Variants in WWC2 observed in about 807,000 individuals in gnomAD.
WWC2 encodes WW and C2 domain containing 2, also known as protein WWC2.
In WWC2, 101 loss-of-function variants were observed where a neutral mutation model predicts 138.5. That is an observed-to-expected ratio of 0.73 (90% confidence interval 0.62 to 0.86). The LOEUF is 0.86. WWC2 is among the 40% of genes least tolerant of loss of function. The pLI is 0.00. For missense variants in WWC2, 1,420 were observed against 1,419.4 expected (o/e 1.00, Z -0.01); for synonymous variants, 558 against 538.4 (o/e 1.04, Z -0.50).
intron 1 of WWC2, among the ~76,000 whole-genome samples, chr4:183,175,169 A>G (rs1432060282): frequency 6.6e-6 from 1 of 152,238 alleles, no homozygotes; most frequent in Admixed American, 6.5e-5. Context: ...TTAAAAAAAT[A>G]GTTCCATAAC....
chr4:183,117,950 G>A (rs1342806632), intron 1 of WWC2, among the ~76,000 whole-genome samples: 3 of 150,614 alleles, frequency 2.0e-5, no homozygotes, highest in South Asian at 2.2e-4. Flanking sequence ...ATAGGCTCGT[G>A]CCACCATGCT....
At chr4:183,297,251 G>A (rs1458152515) in intron 21 of WWC2, among the ~76,000 whole-genome samples, 1 of 152,000 alleles carries the variant, frequency 6.6e-6, no homozygotes, top group Non-Finnish European at 1.5e-5. Context: ...GGAATTGCAG[G>A]TGTGAGCCAC....
chr4:183,249,812 A>G, intron 7 of WWC2, 108 bp from the exon 8 acceptor site: 1 of 839,428 alleles, frequency 1.2e-6, no homozygotes, highest in Non-Finnish European at 1.9e-6. Context: ...CGATTTCAGT[A>G]CCATCTTCTT....
chr4:183,216,425 T>C (rs766141344), intron 4 of WWC2, among the ~76,000 whole-genome samples: 2 of 152,166 alleles, frequency 1.3e-5, no homozygotes, highest in South Asian at 2.1e-4. Flanking sequence ...CAAGAAGACA[T>C]TTTGCCTAAA....
intron 1 of WWC2, among the ~76,000 whole-genome samples, chr4:183,183,538 T>C (rs1734703819): frequency 1.3e-5 from 2 of 152,082 alleles, no homozygotes; most frequent in African/African-American, 4.8e-5. Context: ...TCTCCACACT[T>C]TGGGAGGCCA....
intron 1 of WWC2, among the ~76,000 whole-genome samples, chr4:183,166,691 G>A (rs1363415054): frequency 6.6e-6 from 1 of 152,168 alleles, no homozygotes; most frequent in Non-Finnish European, 1.5e-5. Context: ...GTGTTATTCT[G>A]TGTACTCTGA....
At chr4:183,211,703 GTC>G (rs1474367204) in intron 4 of WWC2, among the ~76,000 whole-genome samples, 4 of 152,154 alleles carry the variant, frequency 2.6e-5, no homozygotes, top group Non-Finnish European at 4.4e-5. Flanking sequence ...CCTTCTCTGT[GTC>G]TCAGGTGCTC....
chr4:183,113,951 A>G (rs974228859), intron 1 of WWC2, among the ~76,000 whole-genome samples: 10 of 152,014 alleles, frequency 6.6e-5, no homozygotes, highest in African/African-American at 2.4e-4. Context: ...GAAAAGAGAG[A>G]ATAAAAGAGT....
chr4:183,305,280 A>C (rs1403346932), intron 21 of WWC2, among the ~76,000 whole-genome samples: 2 of 152,214 alleles, frequency 1.3e-5, no homozygotes, highest in African/African-American at 2.4e-5. Flanking sequence ...CAACTACAGA[A>C]GATGTACAAT....
chr4:183,236,791 A>G (rs554367167), intron 4 of WWC2, among the ~76,000 whole-genome samples: 3 of 152,224 alleles, frequency 2.0e-5, no homozygotes, highest in East Asian at 3.9e-4. Context: ...TTTTTTCTGT[A>G]TCTGTGAAAG....
At chr4:183,099,822 C>T (rs1296065568) in intron 1 of WWC2, among the ~76,000 whole-genome samples, 200 bp downstream of exon 1, 2 of 148,888 alleles carry the variant, frequency 1.3e-5, no homozygotes, top group African/African-American at 4.9e-5. Flanking sequence ...CCCGACGCCC[C>T]TCCGGGGACC....
At chr4:183,248,987 AT>A in intron 7 of WWC2, 127 bp downstream of exon 7, 1 of 957,010 alleles carries the variant, frequency 1.0e-6, no homozygotes, top group Non-Finnish European at 1.4e-6. Flanking sequence ...TCAGTGTTCC[AT>A]TTTCGTAAGA....
intron 1 of WWC2, among the ~76,000 whole-genome samples, chr4:183,101,145 G>C (rs1288548812): frequency 1.3e-5 from 2 of 152,180 alleles, no homozygotes; most frequent in African/African-American, 4.8e-5. Context: ...TGGAGTTTCA[G>C]GTAATTGAAA....
At chr4:183,184,586 G>T (rs1370790135) in intron 1 of WWC2, among the ~76,000 whole-genome samples, 2 of 152,082 alleles carry the variant, frequency 1.3e-5, no homozygotes, top group Non-Finnish European at 2.9e-5. Flanking sequence ...ACCATTTTAC[G>T]TTGCCACCCA....
At chr4:183,200,102 G>T (rs1358037455) in intron 2 of WWC2, among the ~76,000 whole-genome samples, 2 of 152,186 alleles carry the variant, frequency 1.3e-5, no homozygotes, top group Non-Finnish European at 2.9e-5. Flanking sequence ...AAATGAGAAT[G>T]CTTCCCACTG....
intron 1 of WWC2, among the ~76,000 whole-genome samples, chr4:183,108,253 A>G (rs1732107401): frequency 6.6e-6 from 1 of 152,172 alleles, no homozygotes; most frequent in South Asian, 2.1e-4. Context: ...TCAGGTGATC[A>G]AAGGGAACAT....
At chr4:183,185,546 C>T (rs1292822424) in intron 1 of WWC2, among the ~76,000 whole-genome samples, 1 of 152,114 alleles carries the variant, frequency 6.6e-6, no homozygotes, top group African/African-American at 2.4e-5. Context: ...TATATTTTTC[C>T]TGTTATTTGT....
rs1739518197 is a variant in WWC2, at chr4:183,318,503, AAAGC to A, written c.*2777_*2780del. 1 of 152,380 alleles carries A rather than the reference AAAGC, an allele frequency of 6.6e-6. No homozygotes were observed. Among genetic ancestry groups the A allele is most frequent in the African/African-American group, 2.4e-5 (1 of 41,380 alleles). 9.4% of individuals were successfully genotyped at this position (152,380 alleles called of 1,614,324 possible). ...AATTCAGTGGTTTTTTTTAAAAAAAAAAGCAAAAACAAAGCTACATATTGCCTAA... is the reference window on the plus strand; with the variant it reads ...AATTCAGTGGTTTTTTTTAAAAAAAAAAAAACAAAGCTACATATTGCCTAA... On this transcript the variant is annotated 3_prime_UTR_variant, in exon 23 of 23. Coordinates refer to ENST00000403733, the MANE Select transcript of WWC2 (RefSeq NM_024949.6).
intron 1 of WWC2, among the ~76,000 whole-genome samples, chr4:183,113,884 TG>T (rs1469147787): frequency 9.2e-5 from 14 of 151,916 alleles, no homozygotes; most frequent in Non-Finnish European, 1.6e-4. Context: ...AAAAAACCTA[TG>T]TTTTTTTGGT....
Sources: allele counts gnomAD v4.1 joint callset (sites outside exome capture counted in the v4.1 genomes callset), GRCh38; gene constraint gnomAD v4.1.1; transcripts MANE v1.5; gene names NCBI Gene and HGNC (gene_info 2026-07-23, HGNC 2026-07-21).